The following ARHGAP12 variants were observed in gnomAD, a reference collection of about 807,000 sequenced individuals.
ARHGAP12 encodes the protein Rho GTPase activating protein 12.
Under a neutral mutation model 108.6 loss-of-function variants are expected in ARHGAP12, and 64 were observed. The observed-to-expected ratio is 0.59, with a 90% CI of 0.48 to 0.73. ARHGAP12 has a LOEUF of 0.73. Among genes scored for constraint, ARHGAP12 ranks in the 30% least tolerant of loss-of-function variants. The pLI is 0.00. For missense variants in ARHGAP12, 940 were observed against 1,005.9 expected, an observed-to-expected ratio of 0.93 and a Z score of 0.89; for synonymous variants, 312 against 337.2, an observed-to-expected ratio of 0.93 and a Z score of 0.82.
intron 5 of ARHGAP12, among the ~76,000 whole-genome samples, chr10:31,853,003 T>C (rs2808093): frequency 0.46 from 70,092 of 152,002 alleles, 16,456 homozygotes; most frequent in Admixed American, 0.51. Flanking sequence ...GCTGGGATTA[T>C]AGGCGTCAGC....
At chr10:31,809,480 T>TG in intron 16 of ARHGAP12, 173 bp from the exon 17 acceptor site, 2 of 600,908 alleles carry the variant, frequency 3.3e-6, no homozygotes. Context: ...GGGAGAGAGA[T>TG]GGAGATTCGC....
chr10:31,856,210 T>C (rs769034807), intron 4 of ARHGAP12, among the ~76,000 whole-genome samples: 3 of 152,000 alleles, frequency 2.0e-5, no homozygotes, highest in African/African-American at 4.8e-5. Context: ...AAAAGGTTAA[T>C]TAAGAAATCC....
intron 3 of ARHGAP12, among the ~76,000 whole-genome samples, chr10:31,898,374 C>T (rs1402668321): frequency 6.6e-6 from 1 of 152,128 alleles, no homozygotes; most frequent in Non-Finnish European, 1.5e-5. Context: ...ACACTTCCTA[C>T]TCACTAGAAT....
At chr10:31,904,569 G>C (rs1442529472) in intron 3 of ARHGAP12, among the ~76,000 whole-genome samples, 1 of 152,170 alleles carries the variant, frequency 6.6e-6, no homozygotes, top group East Asian at 1.9e-4. Context: ...TTACAGTATA[G>C]TGTTGCAAGA....
intron 6 of ARHGAP12, among the ~76,000 whole-genome samples, chr10:31,846,634 C>T (rs1026713762): frequency 1.3e-5 from 2 of 152,098 alleles, no homozygotes; most frequent in Non-Finnish European, 1.5e-5. Context: ...GCTTTCAAGA[C>T]TTTATCAGGG....
Position 31,807,043 on chromosome 10 carries a change from A to G in ARHGAP12, c.*615T>C, listed in dbSNP as rs1222267621. ...AGTATATCACAGTGTTTTAAGTAATATTAGTGTGCTGCCCAAACAAGCAAC... is the reference window on the plus strand; with the variant it reads ...AGTATATCACAGTGTTTTAAGTAATGTTAGTGTGCTGCCCAAACAAGCAAC... On this transcript the variant is annotated 3_prime_UTR_variant, in exon 20 of 20. Transcript: ENST00000344936. The G allele has an allele frequency of 6.6e-6, 1 of 152,598 alleles. No individual in the cohort carries two copies. The highest frequency in any genetic ancestry group is 1.5e-5 in the Non-Finnish European group (1 of 68,022). 9.5% of individuals were successfully genotyped at this position (152,598 alleles called of 1,614,324 possible). A position where few individuals can be genotyped will look rare whatever the true frequency, so the allele number is the denominator to read the frequency against.
Position 31,807,812 on chromosome 10 carries a change from T to G in ARHGAP12, c.2387A>C (p.Lys796Thr). 1 of 1,534,390 alleles carries G rather than the reference T, an allele frequency of 6.5e-7. No individual in the cohort carries two copies. The highest frequency in any genetic ancestry group is 8.7e-7 in the Non-Finnish European group (1 of 1,143,552). ...HLRRVIENGE[K>T]NRMTYQSIAI... ...TATACTCTGATAGGTCATTCGATTT[T>G]TCTCTCCATTTTCTATAACTCTGAA... is the stretch of plus-strand genomic sequence containing the variant. Residue 796 changes from lysine (K) to threonine (T), a missense_variant, in exon 20 of 20, where the codon AAA becomes ACA. By Grantham distance (78) the Lys-to-Thr change is moderately conservative (BLOSUM62 -1). Transcript: ENST00000344936.
At chr10:31,817,301 AAAG>A (rs914915566) in intron 13 of ARHGAP12, among the ~76,000 whole-genome samples, 2 of 152,236 alleles carry the variant, frequency 1.3e-5, no homozygotes, top group African/African-American at 4.8e-5. Context: ...TGTTGTATAT[AAAG>A]AAGAAGAAAT....
chr10:31,873,528 G>A (rs1030804330), intron 3 of ARHGAP12, among the ~76,000 whole-genome samples: 8 of 152,100 alleles, frequency 5.3e-5, no homozygotes, highest in East Asian at 1.9e-4. Context: ...ACTATCGGCC[G>A]GCACCAATCT....
In ARHGAP12 at chr10:31,806,454, A is replaced by AG. The variant is rs1834826774; in HGVS notation, c.*1203dup. The AG allele has an allele frequency of 6.6e-6, 1 of 152,658 alleles. No homozygotes were observed. The highest frequency in any genetic ancestry group is 1.5e-5 in the Non-Finnish European group (1 of 68,028). The allele number at this position is 152,658 out of a possible 1,614,324, so 9.5% of individuals were successfully genotyped here. ...ATTATACAAAGCAATCTACATTAGT[A>AG]GGTAAAAAGAAATTCTCAAATTTAG... On this transcript the variant is annotated 3_prime_UTR_variant, in exon 20 of 20. Coordinates refer to ENST00000344936, the MANE Select transcript of ARHGAP12 (RefSeq NM_018287.7).
intron 3 of ARHGAP12, among the ~76,000 whole-genome samples, chr10:31,902,655 A>G (rs1373836710): frequency 6.6e-6 from 1 of 151,712 alleles, no homozygotes; most frequent in Non-Finnish European, 1.5e-5. Context: ...TAGGTGACAG[A>G]CAAAGACCCC....
intron 4 of ARHGAP12, among the ~76,000 whole-genome samples, chr10:31,860,204 G>A (rs558479281): frequency 1.3e-5 from 2 of 152,350 alleles, no homozygotes; most frequent in Admixed American, 1.3e-4. Context: ...CAAGAAGGGA[G>A]TTATTAACTA....
intron 10 of ARHGAP12, among the ~76,000 whole-genome samples, chr10:31,828,637 G>C (rs1238335890): frequency 2.6e-5 from 4 of 151,942 alleles, no homozygotes; most frequent in Non-Finnish European, 5.9e-5. Flanking sequence ...GTAAAATAAC[G>C]ATTATTGCCT....
At chr10:31,892,362 AC>A (rs1343619537) in intron 3 of ARHGAP12, among the ~76,000 whole-genome samples, 2 of 152,194 alleles carry the variant, frequency 1.3e-5, no homozygotes, top group Admixed American at 1.3e-4. Context: ...TATTCAGGAG[AC>A]CCAACTCACG....
rs1347308656 is a variant in ARHGAP12 at position 31,806,304 on chromosome 10, A to G, written c.*1354T>C. ...CCAAAATGCACATTTCCAATGGAAA[A>G]ATCTCTAAACCTCTTATAGTTTTAT... On this transcript the variant is annotated 3_prime_UTR_variant, in exon 20 of 20. Transcript: ENST00000344936. 1 of 152,622 alleles carries G rather than the reference A, an allele frequency of 6.6e-6. No homozygotes were observed. The highest frequency in any genetic ancestry group is 1.9e-4 in the East Asian group (1 of 5,204). 9.5% of individuals were successfully genotyped at this position (152,622 alleles called of 1,614,324 possible).
At chr10:31,915,386 C>CAA (rs1387712452) in intron 1 of ARHGAP12, among the ~76,000 whole-genome samples, 32 of 98,858 alleles carry the variant, frequency 3.2e-4, no homozygotes, top group African/African-American at 3.9e-4. Flanking sequence ...AACTCTGTCT[C>CAA]AAAAAAAAAA....
intron 1 of ARHGAP12, among the ~76,000 whole-genome samples, chr10:31,920,317 G>A (rs1839741829): frequency 6.6e-6 from 1 of 151,120 alleles, no homozygotes; most frequent in Non-Finnish European, 1.5e-5. Context: ...AGGCGTGGTG[G>A]TGGGTGCCTG....
At chr10:31,842,509 C>T (rs1445788378) in intron 7 of ARHGAP12, among the ~76,000 whole-genome samples, 3 of 152,062 alleles carry the variant, frequency 2.0e-5, no homozygotes, top group Non-Finnish European at 4.4e-5. Flanking sequence ...CCATCTTATA[C>T]ACATGTATGA....
intron 11 of ARHGAP12, among the ~76,000 whole-genome samples, chr10:31,823,692 C>G (rs1835498069): frequency 6.6e-6 from 1 of 152,028 alleles, no homozygotes; most frequent in Non-Finnish European, 1.5e-5. Flanking sequence ...ATAATGTGGC[C>G]CCTTAACATA....
Sources: gnomAD v4.1 joint callset for allele counts (sites outside exome capture counted in the v4.1 genomes callset) on GRCh38, gnomAD v4.1.1 for gene constraint, MANE v1.5 for transcripts, NCBI Gene and HGNC (gene_info 2026-07-23, HGNC 2026-07-21) for gene names.